Variants in HSF5 observed in about 807,000 individuals in gnomAD.
HSF5 encodes heat shock transcription factor 5.
Under a neutral mutation model 50.8 loss-of-function variants are expected in HSF5, and 5 were observed. That is an observed-to-expected ratio of 0.10 (90% confidence interval 0.05 to 0.21). HSF5 has a LOEUF of 0.21. HSF5 is among the 10% of genes least tolerant of loss of function. The probability of loss-of-function intolerance (pLI) is 1.00; values close to 1 mark genes in which losing one functional copy is unlikely to be tolerated. For missense variants in HSF5, 564 were observed against 762.6 expected, an observed-to-expected ratio of 0.74 and a Z score of 3.07; for synonymous variants, 307 against 307.4, an observed-to-expected ratio of 1.00 and a Z score of 0.02.
intron 5 of HSF5, among the ~76,000 whole-genome samples, chr17:58,424,038 AAGAC>A (rs1427326908): frequency 2.0e-5 from 3 of 152,190 alleles, no homozygotes; most frequent in Non-Finnish European, 4.4e-5. Flanking sequence ...TATTTTGTAA[AAGAC>A]AGACTAGTCA....
rs1316152485 is a variant in HSF5 at position 58,421,291 on chromosome 17, T to A, written c.*1069A>T. 6.6e-6 allele frequency: 1 copy of A among 152,634 alleles called. No individual in the cohort carries two copies. Among genetic ancestry groups the A allele is most frequent in the East Asian group, 1.9e-4 (1 of 5,196 alleles). The allele number at this position is 152,634 out of a possible 1,614,324, so 9.5% of individuals were successfully genotyped here. ...ATTCTCTCAGAAGCTTAAACCAGAT[T>A]GAAACCATTCTTTAAAAATCAGAGG... On this transcript the variant is annotated 3_prime_UTR_variant, in exon 6 of 6. Transcript: ENST00000323777.
At chr17:58,474,744 C>G (rs1485267240) in intron 2 of HSF5, among the ~76,000 whole-genome samples, 1 of 152,026 alleles carries the variant, frequency 6.6e-6, no homozygotes, top group Non-Finnish European at 1.5e-5. Flanking sequence ...TTGCTTGAAA[C>G]TTGGAATACA....
chr17:58,460,512 T>C (rs77803445), intron 4 of HSF5, among the ~76,000 whole-genome samples: 5 of 100,050 alleles, frequency 5.0e-5, no homozygotes, highest in African/African-American at 1.1e-4. Flanking sequence ...CACACACACA[T>C]ACTTTTTTTT....
chr17:58,465,339 AC>A (rs1177811397), intron 3 of HSF5, among the ~76,000 whole-genome samples: 7 of 151,658 alleles, frequency 4.6e-5, no homozygotes, highest in African/African-American at 1.5e-4. Context: ...TGTCTCTATA[AC>A]AAGAAAAGGT....
At position 58,462,760 on chromosome 17, in the gene HSF5, A is replaced by G. The variant is rs1974809723; in HGVS notation, c.1542+22T>C. 18 of 1,558,610 alleles carry G rather than the reference A, an allele frequency of 1.2e-5. 1 individual carries two copies. In the South Asian group the frequency reaches 2.0e-4, roughly 17 times the overall value. ...ACTAGGTACTTTGAGCTTTATAAGC[A>G]TTTTTTTCTTTGCCCCCTTACCTGG... On this transcript the variant is annotated intron_variant, in intron 4 of 5. Transcript: ENST00000323777.
At chr17:58,445,043 C>CTA (rs1182654252) in intron 5 of HSF5, among the ~76,000 whole-genome samples, 22 of 152,230 alleles carry the variant, frequency 1.4e-4, no homozygotes, top group Non-Finnish European at 2.8e-4. Context: ...AATGAGGTAT[C>CTA]TATCAGCTCA....
Position 58,488,352 on chromosome 17 carries a change from C to T in HSF5, c.-78G>A. On this transcript the variant is annotated 5_prime_UTR_variant, in exon 1 of 6. Coordinates refer to ENST00000323777, the MANE Select transcript of HSF5 (RefSeq NM_001080439.3). This position sits in a 1 kb window ranked among gnomAD's most constrained non-coding sequence, Gnocchi z 4.1. The stretch of plus-strand genomic sequence containing the variant: ...CTCGATCCCTCCCCGGCCTTCGCCT[C>T]GCCCTGCCCGCTCCTGCCGGCGCCC... The T allele has an allele frequency of 8.9e-6, 12 of 1,350,662 alleles. No individual in the cohort carries two copies. The highest frequency in any genetic ancestry group is 1.1e-5 in the Non-Finnish European group (12 of 1,058,970). 83.7% of individuals were successfully genotyped at this position (1,350,662 alleles called of 1,614,324 possible). A position where few individuals can be genotyped will look rare whatever the true frequency, so the allele number is the denominator to read the frequency against.
At chr17:58,449,988 A>G (rs1974612309) in intron 5 of HSF5, among the ~76,000 whole-genome samples, 1 of 138,302 alleles carries the variant, frequency 7.2e-6, no homozygotes, top group Non-Finnish European at 1.5e-5. Context: ...CCGCCACTGC[A>G]CTCCAGCCTG....
At chr17:58,469,383 T>C (rs1481975265) in intron 2 of HSF5, among the ~76,000 whole-genome samples, 2 of 152,234 alleles carry the variant, frequency 1.3e-5, no homozygotes, top group African/African-American at 2.4e-5. Context: ...ATATTTTTGA[T>C]AGCTTGATAG....
intron 5 of HSF5, among the ~76,000 whole-genome samples, chr17:58,449,608 G>A (rs997420701): frequency 3.3e-5 from 5 of 151,668 alleles, no homozygotes; most frequent in African/African-American, 1.2e-4. Flanking sequence ...GCTGAGGCAC[G>A]AGAATCGCTG....
chr17:58,457,581 G>A (rs1315062967), intron 5 of HSF5, among the ~76,000 whole-genome samples: 1 of 152,198 alleles, frequency 6.6e-6, no homozygotes, highest in African/African-American at 2.4e-5. Context: ...CCGGGCAACA[G>A]AGAAAGACTC....
intron 2 of HSF5, among the ~76,000 whole-genome samples, chr17:58,472,300 G>A (rs1974957890): frequency 6.6e-6 from 1 of 151,890 alleles, no homozygotes; most frequent in Non-Finnish European, 1.5e-5. Flanking sequence ...GACCCTAGCT[G>A]TACCCCCCCC....
Position 58,422,186 on chromosome 17 carries a change from C to A in HSF5, c.*174G>T. On this transcript the variant is annotated 3_prime_UTR_variant, in exon 6 of 6. Transcript: ENST00000323777. Reference sequence around the variant, plus strand: ...TCAAGGCAGATAATCTGAACTGAACCACTGTAGTACATACAAATTCCCAAT... The same window carrying A: ...TCAAGGCAGATAATCTGAACTGAACAACTGTAGTACATACAAATTCCCAAT... 1 of 554,918 alleles carries A rather than the reference C, an allele frequency of 1.8e-6. No homozygotes were observed. The highest frequency in any genetic ancestry group is 3.2e-6 in the Non-Finnish European group (1 of 312,786). 34.4% of individuals were successfully genotyped at this position (554,918 alleles called of 1,614,324 possible).
intron 5 of HSF5, among the ~76,000 whole-genome samples, chr17:58,453,887 G>A (rs937416604): frequency 3.3e-5 from 5 of 152,032 alleles, no homozygotes; most frequent in East Asian, 3.9e-4. Context: ...TCAGGAGTTC[G>A]AGACCAGCCT....
At chr17:58,435,496 G>A (rs1418061213) in intron 5 of HSF5, among the ~76,000 whole-genome samples, 5 of 152,022 alleles carry the variant, frequency 3.3e-5, no homozygotes, top group South Asian at 2.1e-4. Context: ...GCAGTGAGTC[G>A]AGATCACGCC....
intron 2 of HSF5, among the ~76,000 whole-genome samples, chr17:58,473,674 T>C (rs1232269151): frequency 6.6e-6 from 1 of 152,152 alleles, no homozygotes; most frequent in East Asian, 1.9e-4. Context: ...TAAAAAATGA[T>C]TCCAGTCTGC....
At chr17:58,452,122 A>G (rs1434101603) in intron 5 of HSF5, among the ~76,000 whole-genome samples, 1 of 151,812 alleles carries the variant, frequency 6.6e-6, no homozygotes, top group Non-Finnish European at 1.5e-5. Flanking sequence ...GGTGTCACAC[A>G]CGAGGAGTCC....
intron 5 of HSF5, among the ~76,000 whole-genome samples, chr17:58,441,959 G>A (rs1012210195): frequency 2.0e-5 from 3 of 152,162 alleles, no homozygotes; most frequent in Admixed American, 6.5e-5. Flanking sequence ...GGGGGAGGAT[G>A]GATAACTTGT....
intron 5 of HSF5, among the ~76,000 whole-genome samples, chr17:58,445,772 G>A (rs1045980124): frequency 1.3e-5 from 2 of 152,152 alleles, no homozygotes; most frequent in African/African-American, 2.4e-5. Flanking sequence ...TTTCAGATTT[G>A]CAAGATAAAA....
Sources: allele counts gnomAD v4.1 joint callset (sites outside exome capture counted in the v4.1 genomes callset), GRCh38; gene constraint gnomAD v4.1.1; non-coding constraint Gnocchi (gnomAD v3.1); transcripts MANE v1.5; gene names NCBI Gene and HGNC (gene_info 2026-07-23, HGNC 2026-07-21).